TLN1: variants seen among roughly 807,000 people sequenced by gnomAD.
The protein encoded by TLN1 is talin-1.
TLN1 carries 56 observed loss-of-function variants against 292.3 expected under a neutral mutation model. The observed-to-expected ratio is 0.19, with a 90% CI of 0.15 to 0.24. The LOEUF is 0.24. Among genes scored for constraint, TLN1 ranks in the 10% least tolerant of loss-of-function variants. TLN1 has a pLI of 1.00. For missense variants in TLN1, 2,433 were observed against 3,248.2 expected, an observed-to-expected ratio of 0.75 and a Z score of 6.10; for synonymous variants, 1,119 against 1,253.7, an observed-to-expected ratio of 0.89 and a Z score of 2.27.
Position 35,724,783 on chromosome 9 carries a change from G to A in TLN1, c.358+47C>T. ...TACTGCATCCATGCCTTTTGAGAGA[G>A]TTGAGGCTTTCTGGCCCAGGCTTTC... On this transcript the variant is annotated intron_variant, in intron 4 of 56. Transcript: ENST00000314888. This position sits in a 1 kb window ranked among gnomAD's most constrained non-coding sequence, Gnocchi z 4.7. 4 of 1,613,710 alleles carry A rather than the reference G, an allele frequency of 2.5e-6. No homozygotes were observed. The highest frequency in any genetic ancestry group is 3.4e-6 in the Non-Finnish European group (4 of 1,179,706).
At chr9:35,711,886 G>T (rs1825676274) in intron 28 of TLN1, 94 bp from the exon 29 acceptor site, 1 of 1,595,692 alleles carries the variant, frequency 6.3e-7, no homozygotes, top group South Asian at 1.1e-5. Context: ...CACATAGCCT[G>T]GGAGTAATGA....
chr9:35,715,222 C>A, intron 20 of TLN1, 35 bp from the exon 21 acceptor site: 1 of 1,602,262 alleles, frequency 6.2e-7, no homozygotes, highest in Non-Finnish European at 8.5e-7. Flanking sequence ...CATCACCCAG[C>A]TCTCCTGTGG....
intron 1 of TLN1, among the ~76,000 whole-genome samples, chr9:35,730,154 G>A (rs917307093): frequency 6.7e-6 from 1 of 149,766 alleles, no homozygotes; most frequent in African/African-American, 2.4e-5. Context: ...GCTATAGGAG[G>A]TTGAGAAGAG....
At position 35,708,394 on chromosome 9, in the gene TLN1, C is replaced by A. The variant is rs368416717; in HGVS notation, c.4417G>T (p.Ala1473Ser). Residue 1473 changes from alanine to serine, a missense_variant, in exon 34 of 57, where the codon GCA becomes TCA. Ala to Ser is a moderately conservative substitution (Grantham distance 99, BLOSUM62 1). This residue lies in a region of TLN1 where 1,384 missense variants were observed against 1,699.6 expected (regional missense o/e 0.81). Transcript: ENST00000314888. The stretch of plus-strand genomic sequence containing the variant: ...AAACTCTGGCAGGCCATCTGAATTG[C>A]CTGGTTTGCACGGGCAAACTGTGTG... The part of the protein sequence containing the change: ...EPTQFARANQ[A>S]IQMACQSLGE... The A allele has an allele frequency of 6.3e-5, 101 of 1,610,918 alleles. No homozygotes were observed. Among genetic ancestry groups the A allele is most frequent in the Non-Finnish European group, 8.3e-5 (98 of 1,178,440 alleles).
At position 35,711,752 on chromosome 9, in the gene TLN1, C is replaced by T. The variant is rs1283216229; in HGVS notation, c.3722G>A (p.Arg1241Gln). Residue 1241 changes from arginine (R) to glutamine (Q), a missense_variant, in exon 29 of 57, where the codon CGG (arginine) becomes CAG (glutamine). Around this residue, in one of 7 missense-constraint regions of TLN1, gnomAD observed 1,384 missense variants for 1,699.6 expected, o/e 0.81. Coordinates refer to ENST00000314888, the MANE Select transcript of TLN1 (RefSeq NM_006289.4). Reference protein sequence around the residue: ...STGTFQEAQSRLNEAAAGLNQ... With the variant: ...STGTFQEAQSQLNEAAAGLNQ... Reference sequence around the variant, plus strand: ...CAGCCCAGCAGCAGCTTCATTCAACCGGCTCTGAGCTTCTTGAAATGTCCC... The same window carrying T: ...CAGCCCAGCAGCAGCTTCATTCAACTGGCTCTGAGCTTCTTGAAATGTCCC... 32 of 1,614,002 alleles carry T rather than the reference C, an allele frequency of 2.0e-5. No homozygotes were observed. Among genetic ancestry groups the T allele is most frequent in the African/African-American group, 5.3e-5 (4 of 74,918 alleles).
In TLN1 at chr9:35,713,438, C is replaced by T. The variant is rs566320899; in HGVS notation, c.3250-140G>A. 119 of 622,560 alleles carry T rather than the reference C, an allele frequency of 1.9e-4. No individual in the cohort carries two copies. The South Asian group carries it at 2.4e-3, about 12-fold the overall frequency. The allele number at this position is 622,560 out of a possible 1,614,324, so 38.6% of individuals were successfully genotyped here. A position where few individuals can be genotyped will look rare whatever the true frequency, so the allele number is the denominator to read the frequency against. On this transcript the variant is annotated intron_variant, in intron 25 of 56. Coordinates refer to ENST00000314888, the MANE Select transcript of TLN1 (RefSeq NM_006289.4). ...ATGGCTCCCACCTATAATCCTAGCA[C>T]GTTGGGAGGCTGAGGCAGGTGGATC... is the stretch of plus-strand genomic sequence containing the variant.
At chr9:35,729,458 G>A (rs149913525) in intron 1 of TLN1, among the ~76,000 whole-genome samples, 2 of 152,372 alleles carry the variant, frequency 1.3e-5, no homozygotes, top group Non-Finnish European at 2.9e-5. Flanking sequence ...AGGAAGACTG[G>A]AGAGGGGTAT....
rs75170432 is a variant in TLN1, at chr9:35,714,221, C to A, written c.3120+18G>T. The A allele has an allele frequency of 4.9e-3, 7,812 of 1,600,598 alleles. 171 individuals carry two copies. In the African/African-American group the frequency reaches 0.058, roughly 12 times the overall value. ...GGACTCCAGCCTCATCTTCCAAAGC[C>A]AGAACCAGCTTCCATACCTTCTGGG... On this transcript the variant is annotated intron_variant, in intron 24 of 56. Transcript: ENST00000314888. The surrounding 1 kb of genome is among the most constrained non-coding windows in gnomAD (Gnocchi z 4.6).
At position 35,703,875 on chromosome 9, in the gene TLN1, T is replaced by C; in HGVS notation, c.6257A>G (p.Asp2086Gly). ...GAGGTCTCCCAGGGCTTTGGCTACA[T>C]CTTTCACTGCGTTGATTAGTACCAC... ...TQVVLINAVK[D>G]VAKALGDLIS... The change falls in exon 47 of 57, where the codon GAT becomes GGT. Residue 2086 changes from aspartate (D) to glycine (G), a missense_variant. Asp to Gly is a moderately conservative substitution (Grantham distance 94, BLOSUM62 -1). Transcript: ENST00000314888. 6.2e-7 allele frequency: 1 copy of C among 1,614,176 alleles called. No homozygotes were observed. The highest frequency in any genetic ancestry group is 8.5e-7 in the Non-Finnish European group (1 of 1,180,026).
chr9:35,724,244 T>G lies in TLN1; in HGVS notation c.602A>C (p.Asp201Ala), dbSNP rs1432332562. 6.2e-7 allele frequency: 1 copy of G among 1,614,106 alleles called. No homozygotes were observed. The highest frequency in any genetic ancestry group is 1.1e-5 in the South Asian group (1 of 91,080). The change falls in exon 6 of 57, where the codon GAC becomes GCC. Residue 201 changes from aspartate to alanine, a missense_variant. Asp to Ala is a moderately radical substitution (Grantham distance 126). Coordinates refer to ENST00000314888, the MANE Select transcript of TLN1 (RefSeq NM_006289.4). The surrounding 1 kb of genome is among the most constrained non-coding windows in gnomAD (Gnocchi z 4.7). Reference sequence around the variant, plus strand: ...AGGGTCCCGGGAATCCACATTCTGGTCTGAGTAAAAGAACTTCCTCCGCAG... The same window carrying G: ...AGGGTCCCGGGAATCCACATTCTGGGCTGAGTAAAAGAACTTCCTCCGCAG... ...LLLRRKFFYS[D>A]QNVDSRDPVQ...
At position 35,706,630 on chromosome 9, in the gene TLN1, A is replaced by C. The variant is rs1406126872; in HGVS notation, c.5089-79T>G. 1.9e-6 allele frequency: 3 copies of C among 1,591,154 alleles called. No individual in the cohort carries two copies. In the East Asian group the frequency reaches 6.7e-5, roughly 36 times the overall value. On this transcript the variant is annotated intron_variant, in intron 38 of 56. Coordinates refer to ENST00000314888, the MANE Select transcript of TLN1 (RefSeq NM_006289.4). The surrounding 1 kb of genome is among the most constrained non-coding windows in gnomAD (Gnocchi z 4.2). ...GCTACAAAGAACTGCTCTTCTGTCCATACCAAATACCCTAACCCTCCTTCG... is the reference window on the plus strand; with the variant it reads ...GCTACAAAGAACTGCTCTTCTGTCCCTACCAAATACCCTAACCCTCCTTCG...
chr9:35,725,829 C>A, intron 1 of TLN1, 102 bp from the exon 2 acceptor site: 1 of 973,560 alleles, frequency 1.0e-6, no homozygotes, highest in East Asian at 2.5e-5. Context: ...AAGGGACTCA[C>A]CAAAGTAGAT....
At position 35,714,292 on chromosome 9, in the gene TLN1, A is replaced by G; in HGVS notation, c.3067T>C (p.Cys1023Arg). Residue 1023 changes from cysteine to arginine, a missense_variant, in exon 24 of 57, where the codon TGT becomes CGT. Cys to Arg is a radical substitution (Grantham distance 180). Around this residue, in one of 7 missense-constraint regions of TLN1, gnomAD observed 1 missense variants for 16.3 expected, o/e 0.06. Transcript: ENST00000314888. This position sits in a 1 kb window ranked among gnomAD's most constrained non-coding sequence, Gnocchi z 4.6. ...AGCGCGGTGCCCAGGTTCTTGGCAC[A>G]CTGACTCAGCTGCATGGCTGAAGCC... ...DQASAMQLSQ[C>R]AKNLGTALAE... The G allele has an allele frequency of 1.2e-5, 19 of 1,613,910 alleles. No homozygotes were observed. Among genetic ancestry groups the G allele is most frequent in the Non-Finnish European group, 1.6e-5 (19 of 1,179,792 alleles).
rs779360131 is a variant in TLN1, at chr9:35,707,083, A to G, written c.4944T>C (p.Ile1648=). Residue 1648 remains isoleucine, a synonymous_variant, in exon 37 of 57, where the codon ATT becomes ATC. Coordinates refer to ENST00000314888, the MANE Select transcript of TLN1 (RefSeq NM_006289.4). The surrounding 1 kb of genome is among the most constrained non-coding windows in gnomAD (Gnocchi z 5.6). ...CCATCCCTCAATACCTCATGCTTGT[A>G]ATTAGCTTCTTGATGGAGTCTGAGA... is the stretch of plus-strand genomic sequence containing the variant. The part of the protein sequence containing the change: ...RTVSDSIKKL[I]TSMRDKAPGQ... The G allele has an allele frequency of 1.2e-6, 2 of 1,612,482 alleles. No homozygotes were observed. The highest frequency in any genetic ancestry group is 2.2e-5 in the East Asian group (1 of 44,876).
chr9:35,698,284 T>C lies in TLN1; in HGVS notation c.7371+39A>G. 1 of 1,611,820 alleles carries C rather than the reference T, an allele frequency of 6.2e-7. No individual in the cohort carries two copies. On this transcript the variant is annotated intron_variant, in intron 55 of 56. Coordinates refer to ENST00000314888, the MANE Select transcript of TLN1 (RefSeq NM_006289.4). The surrounding 1 kb of genome is among the most constrained non-coding windows in gnomAD (Gnocchi z 5.3). Reference sequence around the variant, plus strand: ...TCTCGGGAGTGACAGTTTGAAGCAGTATAGCCCAAGGGACAATGGGATGGG... The same window carrying C: ...TCTCGGGAGTGACAGTTTGAAGCAGCATAGCCCAAGGGACAATGGGATGGG...
At chr9:35,730,700 A>G (rs1042119465) in intron 1 of TLN1, among the ~76,000 whole-genome samples, 2 of 151,994 alleles carry the variant, frequency 1.3e-5, no homozygotes, top group Admixed American at 6.6e-5. Context: ...AGCATGGGAG[A>G]GTTAAAGGCA....
chr9:35,720,274 C>T, intron 12 of TLN1, 55 bp from the exon 13 acceptor site: 1 of 1,544,916 alleles, frequency 6.5e-7, no homozygotes, highest in South Asian at 1.2e-5. Flanking sequence ...CTACCCGTCC[C>T]ACCCGGTTAC....
Position 35,699,867 on chromosome 9 carries a change from G to T in TLN1, c.6768+107C>A. On this transcript the variant is annotated intron_variant, in intron 50 of 56. Transcript: ENST00000314888. This position sits in a 1 kb window ranked among gnomAD's most constrained non-coding sequence, Gnocchi z 4.0. ...ACAGATTTGGGAAGTAGAGGGTGGG[G>T]TAGGGAGGAGATCTGAGCAAAACAG... The T allele has an allele frequency of 8.3e-7, 1 of 1,205,380 alleles. No homozygotes were observed. Among genetic ancestry groups the T allele is most frequent in the Non-Finnish European group, 1.2e-6 (1 of 866,564 alleles). 74.7% of individuals were successfully genotyped at this position (1,205,380 alleles called of 1,614,324 possible).
rs780792750 is a variant in TLN1 at position 35,706,107 on chromosome 9, G to C, written c.5366C>G (p.Ala1789Gly). Residue 1789 changes from alanine to glycine, a missense_variant, in exon 41 of 57, where the codon GCA (alanine) becomes GGA (glycine). By Grantham distance (60) the Ala-to-Gly change is moderately conservative. Around this residue, in one of 7 missense-constraint regions of TLN1, gnomAD observed 1,384 missense variants for 1,699.6 expected, o/e 0.81. Coordinates refer to ENST00000314888, the MANE Select transcript of TLN1 (RefSeq NM_006289.4). This position sits in a 1 kb window ranked among gnomAD's most constrained non-coding sequence, Gnocchi z 4.2. ...CTCCAGGGCTTCCTGGGTGTGAGCT[G>C]CTTGCTGTGGGGAGAGGAGAGGAGC... ...AKEAGGNPKQ[A>G]AHTQEALEEA... 6.2e-7 allele frequency: 1 copy of C among 1,614,102 alleles called. No individual in the cohort carries two copies. The highest frequency in any genetic ancestry group is 1.1e-5 in the South Asian group (1 of 91,088).
Sources: allele counts gnomAD v4.1 joint callset (sites outside exome capture counted in the v4.1 genomes callset), GRCh38; gene constraint gnomAD v4.1.1; regional missense constraint gnomAD v4.1.1; non-coding constraint Gnocchi (gnomAD v3.1); transcripts MANE v1.5; gene names NCBI Gene and HGNC (gene_info 2026-07-23, HGNC 2026-07-21).